The following PRDM5 variants were observed in gnomAD, a reference collection of about 807,000 sequenced individuals.
PRDM5 encodes the protein PR/SET domain 5.
Under a neutral mutation model 81.2 loss-of-function variants are expected in PRDM5, and 56 were observed. The ratio of observed to expected loss-of-function variants is 0.69; its 90% CI spans 0.56 to 0.86. The LOEUF is 0.86. Ranked by LOEUF, PRDM5 falls within the 40% of genes least tolerant of loss-of-function variation. The probability of loss-of-function intolerance (pLI) is 0.00; values close to 1 mark genes in which losing one functional copy is unlikely to be tolerated. For synonymous variants in PRDM5, 267 were observed against 256.4 expected (o/e 1.04, Z -0.39); for missense variants, 697 against 770.1 (o/e 0.91, Z 1.12).
At chr4:120,732,419 C>T (rs1740407900) in intron 14 of PRDM5, among the ~76,000 whole-genome samples, 1 of 141,332 alleles carries the variant, frequency 7.1e-6, no homozygotes, top group African/African-American at 2.7e-5. Flanking sequence ...AATAAAGATC[C>T]ACTTACAAGA....
chr4:120,746,833 G>C (rs1251081426), intron 14 of PRDM5, among the ~76,000 whole-genome samples: 1 of 145,382 alleles, frequency 6.9e-6, no homozygotes, highest in Non-Finnish European at 1.5e-5. Context: ...TACACTGTTG[G>C]TGGGACTGTA....
At chr4:120,884,257 T>C (rs73843643) in intron 2 of PRDM5, among the ~76,000 whole-genome samples, 2 of 152,218 alleles carry the variant, frequency 1.3e-5, no homozygotes, top group African/African-American at 4.8e-5. Flanking sequence ...TCGTATGTAT[T>C]GCTATAATTT....
rs72921510 is a variant in PRDM5, at chr4:120,729,511, A to G, written c.1624-19098T>C. Among the ~76,000 whole-genome samples the G allele has an allele frequency of 2.6e-3, 394 of 152,294 alleles. 2 individuals carry two copies. The highest frequency in any genetic ancestry group is 8.7e-3 in the African/African-American group (363 of 41,560). Reference sequence around the variant, plus strand: ...TTGATATAAACTTGCCATGTGACCTACTGTGAGTCATCATTGGCCTAGACG... The same window carrying G: ...TTGATATAAACTTGCCATGTGACCTGCTGTGAGTCATCATTGGCCTAGACG... On this transcript the variant is annotated intron_variant, in intron 14 of 15. Transcript: ENST00000264808.
intron 1 of PRDM5, among the ~76,000 whole-genome samples, chr4:120,908,415 A>G (rs980667444): frequency 5.3e-5 from 8 of 152,216 alleles, no homozygotes; most frequent in Non-Finnish European, 7.3e-5. Context: ...CTTCACATGG[A>G]GGTGATGCAA....
chr4:120,822,615 T>C (rs1261682712), intron 3 of PRDM5, among the ~76,000 whole-genome samples: 1 of 152,236 alleles, frequency 6.6e-6, no homozygotes, highest in Admixed American at 6.5e-5. Flanking sequence ...CATCAAATTG[T>C]ACATACAGTT....
rs371330280 is a variant in PRDM5, at chr4:120,754,371, T to C, written c.1623+182A>G. On this transcript the variant is annotated intron_variant, in intron 14 of 15. Coordinates refer to ENST00000264808, the MANE Select transcript of PRDM5 (RefSeq NM_018699.4). Reference sequence around the variant, plus strand: ...CTTTTTGAGGTTTCAATTTGTGTTTTTTTTCTTCTTTTCTTTCATTGTTTT... The same window carrying C: ...CTTTTTGAGGTTTCAATTTGTGTTTCTTTTCTTCTTTTCTTTCATTGTTTT... Among the ~76,000 whole-genome samples the C allele has an allele frequency of 2.6e-5, 4 of 152,182 alleles. No homozygotes were observed. In the East Asian group the frequency reaches 7.7e-4, roughly 29 times the overall value.
chr4:120,837,201 T>C (rs928129864), intron 3 of PRDM5: 2 of 152,258 alleles, frequency 1.3e-5, no homozygotes, highest in South Asian at 2.1e-4. Context: ...TCCTGAAGGA[T>C]ATATTTAATC....
At chr4:120,912,614 G>A (rs1766647347) in intron 1 of PRDM5, among the ~76,000 whole-genome samples, 1 of 152,116 alleles carries the variant, frequency 6.6e-6, no homozygotes, top group Non-Finnish European at 1.5e-5. Context: ...TAGGCAATTG[G>A]AGTAATTTAA....
chr4:120,916,760 T>C lies in PRDM5; in HGVS notation c.93+5756A>G, dbSNP rs1272425031. Among the ~76,000 whole-genome samples the C allele has an allele frequency of 3.3e-5, 5 of 152,266 alleles. No homozygotes were observed. The East Asian group carries it at 7.7e-4, about 24-fold the overall frequency. ...AGTTGTTGGCTGACAATCCAATCCT[T>C]CCAATTCCTCAGGCTAAAATCCGTG... is the stretch of plus-strand genomic sequence containing the variant. On this transcript the variant is annotated intron_variant, in intron 1 of 15. Coordinates refer to ENST00000264808, the MANE Select transcript of PRDM5 (RefSeq NM_018699.4).
intron 1 of PRDM5, among the ~76,000 whole-genome samples, chr4:120,920,515 A>AC (rs1371371598): frequency 6.6e-6 from 1 of 152,226 alleles, no homozygotes; most frequent in African/African-American, 2.4e-5. Flanking sequence ...ATAAGCAGGT[A>AC]AGGGATGCCT....
At chr4:120,818,248 G>A in intron 5 of PRDM5, 105 bp downstream of exon 5, 2 of 1,206,140 alleles carry the variant, frequency 1.7e-6, no homozygotes, top group Admixed American at 1.9e-5. Flanking sequence ...ACATGCGCGT[G>A]CGCGCGTGCA....
intron 3 of PRDM5, 129 bp from the exon 4 acceptor site, chr4:120,821,474 G>A: frequency 1.1e-6 from 1 of 870,918 alleles, no homozygotes; most frequent in Non-Finnish European, 1.7e-6. Context: ...ATTTCTAGTT[G>A]ATCTGGGTGC....
intron 2 of PRDM5, among the ~76,000 whole-genome samples, chr4:120,894,876 CAAG>C (rs200350781): frequency 0.013 from 1,931 of 152,288 alleles, 27 homozygotes; most frequent in Middle Eastern, 0.058. Flanking sequence ...TACCCATGCA[CAAG>C]AAGAAGCCAT....
At chr4:120,771,585 C>A (rs2149210920) in intron 13 of PRDM5, among the ~76,000 whole-genome samples, 1 of 152,090 alleles carries the variant, frequency 6.6e-6, no homozygotes, top group African/African-American at 2.4e-5. Context: ...TGCCAAACAC[C>A]ATGATATTAA....
chr4:120,846,924 CA>C (rs1238198023), intron 3 of PRDM5, among the ~76,000 whole-genome samples: 4 of 152,082 alleles, frequency 2.6e-5, no homozygotes, highest in Admixed American at 1.3e-4. Flanking sequence ...ACTCAGCCAG[CA>C]AAAGTCAGAG....
chr4:120,901,883 C>T (rs1765262815), intron 2 of PRDM5, among the ~76,000 whole-genome samples: 1 of 152,198 alleles, frequency 6.6e-6, no homozygotes, highest in African/African-American at 2.4e-5. Context: ...CACCACTGAA[C>T]ACCCACTGCA....
At chr4:120,878,194 C>G (rs1194350165) in intron 2 of PRDM5, among the ~76,000 whole-genome samples, 1 of 152,068 alleles carries the variant, frequency 6.6e-6, no homozygotes, top group South Asian at 2.1e-4. Context: ...ACCTTTCTCC[C>G]TAAGAAACAA....
At chr4:120,787,786 TG>T (rs1485668477) in intron 10 of PRDM5, among the ~76,000 whole-genome samples, 1 of 152,114 alleles carries the variant, frequency 6.6e-6, no homozygotes, top group Non-Finnish European at 1.5e-5. Flanking sequence ...GGGTTCAATT[TG>T]GGGCAAGTTC....
chr4:120,693,723 A>G lies in PRDM5; in HGVS notation c.*1388T>C, dbSNP rs2148982277. On this transcript the variant is annotated 3_prime_UTR_variant, in exon 16 of 16. Coordinates refer to ENST00000264808, the MANE Select transcript of PRDM5 (RefSeq NM_018699.4). ...AGATAACCTTTCTCCTTAACTCATT[A>G]GAACCAAATAACTTCCTTAAAACTA... 6.6e-6 allele frequency: 1 copy of G among 152,270 alleles called. No individual in the cohort carries two copies. Among genetic ancestry groups the G allele is most frequent in the East Asian group, 1.9e-4 (1 of 5,178 alleles). 9.4% of individuals were successfully genotyped at this position (152,270 alleles called of 1,614,324 possible).
Sources: allele counts gnomAD v4.1 joint callset (sites outside exome capture counted in the v4.1 genomes callset), GRCh38; gene constraint gnomAD v4.1.1; transcripts MANE v1.5; gene names NCBI Gene and HGNC (gene_info 2026-07-23, HGNC 2026-07-21).